Variants in KCNH7 observed in about 807,000 individuals in gnomAD.
KCNH7 encodes the protein potassium voltage-gated channel subfamily H member 7.
In KCNH7, 49 loss-of-function variants were observed where a neutral mutation model predicts 120.8. That is an observed-to-expected ratio of 0.41 (90% CI 0.32 to 0.51). KCNH7 has a LOEUF of 0.51. Ranked by LOEUF, KCNH7 falls within the 20% of genes least tolerant of loss-of-function variation. KCNH7 has a pLI of 0.38. For missense variants in KCNH7, 1,097 were observed against 1,446.6 expected (o/e 0.76, Z 3.92); for synonymous variants, 547 against 516.1 (o/e 1.06, Z -0.81).
intron 2 of KCNH7, among the ~76,000 whole-genome samples, chr2:162,788,105 GA>G (rs139823838): frequency 8.7e-5 from 13 of 149,304 alleles, no homozygotes; most frequent in Admixed American, 1.3e-4. Flanking sequence ...CACCAACAAA[GA>G]AAAAAAAATA....
intron 9 of KCNH7, among the ~76,000 whole-genome samples, chr2:162,415,740 G>T (rs1397697517): frequency 6.6e-6 from 1 of 152,036 alleles, no homozygotes; most frequent in Admixed American, 6.6e-5. Context: ...AGATGGGTGA[G>T]AATGAAAGGA....
At chr2:162,606,016 T>C (rs1354127667) in intron 2 of KCNH7, among the ~76,000 whole-genome samples, 1 of 152,088 alleles carries the variant, frequency 6.6e-6, no homozygotes, top group Non-Finnish European at 1.5e-5. Flanking sequence ...GGGGATGTAT[T>C]GCATACCGTC....
Position 162,791,316 on chromosome 2 carries a change from T to C in KCNH7, c.307+45221A>G, listed in dbSNP as rs305671. ...AAATAGGTTTTTTTTCCTAGTTCTG[T>C]GAAGAATGTCAATGGTAGTTTAATA... On this transcript the variant is annotated intron_variant, in intron 2 of 15. Coordinates refer to ENST00000332142, the MANE Select transcript of KCNH7 (RefSeq NM_033272.4). Among the ~76,000 whole-genome samples, 7 of 152,252 alleles carry C rather than the reference T, an allele frequency of 4.6e-5. No individual in the cohort carries two copies. The South Asian group carries it at 1.2e-3, about 27-fold the overall frequency.
intron 2 of KCNH7, among the ~76,000 whole-genome samples, chr2:162,819,779 G>T (rs1685043558): frequency 6.6e-6 from 1 of 152,174 alleles, no homozygotes; most frequent in Non-Finnish European, 1.5e-5. Flanking sequence ...CCTAAACTAA[G>T]AGTATAATGT....
chr2:162,467,521 C>G (rs1689348994), intron 6 of KCNH7, among the ~76,000 whole-genome samples: 1 of 152,160 alleles, frequency 6.6e-6, no homozygotes, highest in South Asian at 2.1e-4. Context: ...ACCGGGCTCT[C>G]TTTTTCCTTC....
At chr2:162,571,688 C>A (rs1005694289) in intron 2 of KCNH7, among the ~76,000 whole-genome samples, 10 of 141,686 alleles carry the variant, frequency 7.1e-5, no homozygotes, top group Non-Finnish European at 1.2e-4. Context: ...GTACTGGTAC[C>A]AAAACAGAGA....
At chr2:162,718,573 T>A (rs114284480) in intron 2 of KCNH7, among the ~76,000 whole-genome samples, 222 of 152,108 alleles carry the variant, frequency 1.5e-3, no homozygotes, top group Non-Finnish European at 2.6e-3. Flanking sequence ...AATGAGACTC[T>A]CCTTTTCACT....
intron 2 of KCNH7, among the ~76,000 whole-genome samples, chr2:162,543,873 T>A (rs1005812746): frequency 6.6e-6 from 1 of 151,958 alleles, no homozygotes; most frequent in Non-Finnish European, 1.5e-5. Context: ...AATAAGTGAG[T>A]GTTAGTATTA....
At chr2:162,658,488 C>G (rs977394614) in intron 2 of KCNH7, among the ~76,000 whole-genome samples, 1 of 152,024 alleles carries the variant, frequency 6.6e-6, no homozygotes, top group Non-Finnish European at 1.5e-5. Context: ...TTTTACTTTT[C>G]CATATAAACC....
chr2:162,793,907 T>C (rs528282042), intron 2 of KCNH7, among the ~76,000 whole-genome samples: 28 of 152,100 alleles, frequency 1.8e-4, no homozygotes, highest in Non-Finnish European at 3.7e-4. Flanking sequence ...GTTGTGTACT[T>C]GAAATTTGCT....
chr2:162,661,462 A>AT (rs1190430565), intron 2 of KCNH7, among the ~76,000 whole-genome samples: 1 of 152,204 alleles, frequency 6.6e-6, no homozygotes, highest in African/African-American at 2.4e-5. Flanking sequence ...GGAATCTTTA[A>AT]TTTTTTGAGA....
chr2:162,799,048 G>A lies in KCNH7; in HGVS notation c.307+37489C>T, dbSNP rs74868524. Among the ~76,000 whole-genome samples, 32 of 152,118 alleles carry A rather than the reference G, an allele frequency of 2.1e-4. No individual in the cohort carries two copies. In the East Asian group the frequency reaches 5.8e-3, roughly 28 times the overall value. ...TGATTAATTCTAGTATATTCTTGGT[G>A]AGCAGTGTTTGAATAGGGTCAGTTT... On this transcript the variant is annotated intron_variant, in intron 2 of 15. Coordinates refer to ENST00000332142, the MANE Select transcript of KCNH7 (RefSeq NM_033272.4).
At chr2:162,555,437 T>C (rs2105866862) in intron 2 of KCNH7, among the ~76,000 whole-genome samples, 1 of 152,336 alleles carries the variant, frequency 6.6e-6, no homozygotes, top group South Asian at 2.1e-4. Context: ...CTTTAGGTCA[T>C]TTCAATTTTC....
At position 162,555,965 on chromosome 2, in the gene KCNH7, G is replaced by A. The variant is rs182221544; in HGVS notation, c.308-18885C>T. On this transcript the variant is annotated intron_variant, in intron 2 of 15. Coordinates refer to ENST00000332142, the MANE Select transcript of KCNH7 (RefSeq NM_033272.4). ...TTTAAAAAATAAAATAGAACGCTGC[G>A]TATTCTTCACAAATATTATTAATAA... 7.1e-4 allele frequency among the ~76,000 whole-genome samples: 108 copies of A among 151,936 alleles called. 1 individual carries two copies. The highest frequency in any genetic ancestry group is 6.0e-3 in the East Asian group (31 of 5,164).
At chr2:162,812,281 C>A (rs984904727) in intron 2 of KCNH7, among the ~76,000 whole-genome samples, 8 of 151,858 alleles carry the variant, frequency 5.3e-5, no homozygotes, top group Non-Finnish European at 8.8e-5. Context: ...AAAAACACAG[C>A]CAAAGTGAGA....
At chr2:162,575,064 C>A (rs889356983) in intron 2 of KCNH7, among the ~76,000 whole-genome samples, 6 of 152,022 alleles carry the variant, frequency 3.9e-5, no homozygotes, top group African/African-American at 1.2e-4. Flanking sequence ...TTAAAGAATT[C>A]ATACCAGGTC....
chr2:162,418,484 G>A (rs1558934860), intron 9 of KCNH7, among the ~76,000 whole-genome samples: 1 of 152,110 alleles, frequency 6.6e-6, no homozygotes, highest in Non-Finnish European at 1.5e-5. Flanking sequence ...CATTTTTGAT[G>A]GGGTATATTG....
At position 162,749,233 on chromosome 2, in the gene KCNH7, T is replaced by A. The variant is rs544188995; in HGVS notation, c.307+87304A>T. ...TCTCTCTTTTGCTCTTTCTTTTGAC[T>A]GGAGATCTACCCAGTTAAGACTTTC... On this transcript the variant is annotated intron_variant, in intron 2 of 15. Transcript: ENST00000332142. 2.0e-4 allele frequency among the ~76,000 whole-genome samples: 30 copies of A among 149,458 alleles called. No individual in the cohort carries two copies. In the East Asian group the frequency reaches 5.6e-3, roughly 28 times the overall value.
chr2:162,607,220 C>CAAAAAAAAAAAAAA, intron 2 of KCNH7, among the ~76,000 whole-genome samples: 1 of 111,968 alleles, frequency 8.9e-6, no homozygotes, highest in Non-Finnish European at 2.0e-5. Context: ...ACTAAAAATA[C>CAAAAAAAAAAAAAA]AAAAAAAAAA....
Sources: gnomAD v4.1 joint callset for allele counts (sites outside exome capture counted in the v4.1 genomes callset) on GRCh38, gnomAD v4.1.1 for gene constraint, MANE v1.5 for transcripts, NCBI Gene and HGNC (gene_info 2026-07-23, HGNC 2026-07-21) for gene names.